The following ARID4A variants were observed in gnomAD, a reference collection of about 807,000 sequenced individuals.
ARID4A encodes the protein AT-rich interaction domain 4A.
Under a neutral mutation model 148.6 loss-of-function variants are expected in ARID4A, and 39 were observed. The observed-to-expected ratio is 0.26, with a 90% confidence interval of 0.20 to 0.34. The LOEUF is 0.34. ARID4A is among the 10% of genes least tolerant of loss of function. ARID4A has a pLI of 1.00. For synonymous variants in ARID4A, 475 were observed against 481.2 expected, an observed-to-expected ratio of 0.99 and a Z score of 0.17; for missense variants, 1,265 against 1,449.1, an observed-to-expected ratio of 0.87 and a Z score of 2.06.
chr14:58,323,687 C>A, intron 8 of ARID4A, 70 bp downstream of exon 8: 1 of 1,389,802 alleles, frequency 7.2e-7, no homozygotes, highest in Non-Finnish European at 9.9e-7. Context: ...TTTTTAAAAG[C>A]ATTTAAAATA....
chr14:58,357,614 G>GT (rs11424644), intron 17 of ARID4A, among the ~76,000 whole-genome samples: 71,342 of 134,172 alleles, frequency 0.53, 19,220 homozygotes, highest in Middle Eastern at 0.7. Context: ...TTTTTGCATG[G>GT]TTTTTTTTTT....
At chr14:58,355,210 C>T (rs1040319736) in intron 17 of ARID4A, among the ~76,000 whole-genome samples, 1 of 152,160 alleles carries the variant, frequency 6.6e-6, no homozygotes, top group East Asian at 1.9e-4. Context: ...TTTCTCTATA[C>T]ACTAGATGTG....
intron 18 of ARID4A, 77 bp from the exon 19 acceptor site, chr14:58,360,824 G>T (rs2035101510): frequency 6.9e-7 from 1 of 1,453,534 alleles, no homozygotes; most frequent in Non-Finnish European, 9.4e-7. Flanking sequence ...TTGAGATGTA[G>T]TTTTCTTTGG....
intron 11 of ARID4A, among the ~76,000 whole-genome samples, chr14:58,342,416 T>C (rs1566701687): frequency 1.3e-5 from 2 of 152,128 alleles, no homozygotes; most frequent in Non-Finnish European, 2.9e-5. Flanking sequence ...TTAAAAAAAA[T>C]ACACATAAAT....
chr14:58,337,246 T>TATATATATATATATATATATATATA lies in ARID4A; in HGVS notation c.906+7077_906+7078insATATATATATATATATATATATATA, dbSNP rs1555361738. ...AAATCTCCTAGAACCTTCTCTTTAT[T>TATATATATATATATATATATATATA]TATATATATATATATATATATAATT... is the stretch of plus-strand genomic sequence containing the variant. On this transcript the variant is annotated intron_variant, in intron 11 of 23. Coordinates refer to ENST00000355431, the MANE Select transcript of ARID4A (RefSeq NM_002892.4). Among the ~76,000 whole-genome samples, 455 of 83,676 alleles carry TATATATATATATATATATATATATA rather than the reference T, an allele frequency of 5.4e-3. 32 individuals carry two copies. Among genetic ancestry groups the TATATATATATATATATATATATATA allele is most frequent in the African/African-American group, 0.011 (256 of 24,046 alleles). The allele number at this position is 83,676 out of a possible 152,430, so 54.9% of individuals were successfully genotyped here. A position where few individuals can be genotyped will look rare whatever the true frequency, so the allele number is the denominator to read the frequency against.
intron 10 of ARID4A, 64 bp from the exon 11 acceptor site, chr14:58,329,939 G>A: frequency 1.3e-6 from 2 of 1,530,892 alleles, no homozygotes; most frequent in Non-Finnish European, 1.7e-6. Flanking sequence ...TGAATGCCAT[G>A]CCTTTTCTAT....
At chr14:58,357,593 T>G (rs2034937860) in intron 17 of ARID4A, among the ~76,000 whole-genome samples, 1 of 147,754 alleles carries the variant, frequency 6.8e-6, no homozygotes, top group African/African-American at 2.5e-5. Context: ...AAAACATGAG[T>G]TTTTTTTATT....
At chr14:58,327,519 T>TA (rs2033283503) in intron 8 of ARID4A, among the ~76,000 whole-genome samples, 1 of 152,182 alleles carries the variant, frequency 6.6e-6, no homozygotes, top group East Asian at 1.9e-4. Context: ...TTTTTTTTTT[T>TA]AATGACCAGA....
At position 58,345,719 on chromosome 14, in the gene ARID4A, C is replaced by CTT. The variant is rs869137059; in HGVS notation, c.980-664_980-663dup. Reference sequence around the variant, plus strand: ...TCTGTTGTGTTTGTTTATGCCTAAACTTTTTTTTTTTTTTTTTTTTTTTTT... The same window carrying CTT: ...TCTGTTGTGTTTGTTTATGCCTAAACTTTTTTTTTTTTTTTTTTTTTTTTTTT... On this transcript the variant is annotated intron_variant, in intron 12 of 23. Transcript: ENST00000355431. Among the ~76,000 whole-genome samples, 160 of 75,870 alleles carry CTT rather than the reference C, an allele frequency of 2.1e-3. 35 individuals are homozygous for CTT. The highest frequency in any genetic ancestry group is 6.8e-3 in the African/African-American group (115 of 16,958). The allele number at this position is 75,870 out of a possible 152,430, so 49.8% of individuals were successfully genotyped here. A position where few individuals can be genotyped will look rare whatever the true frequency, so the allele number is the denominator to read the frequency against.
At chr14:58,349,232 T>TA (rs1028493031) in intron 15 of ARID4A, among the ~76,000 whole-genome samples, 5 of 152,238 alleles carry the variant, frequency 3.3e-5, no homozygotes, top group Non-Finnish European at 7.3e-5. Context: ...ATTGTGGACA[T>TA]ACTTTCTTTT....
At position 58,347,859 on chromosome 14, in the gene ARID4A, T is replaced by A; in HGVS notation, c.1385T>A (p.Ile462Lys). 4 of 1,611,412 alleles carry A rather than the reference T, an allele frequency of 2.5e-6. No homozygotes were observed. Among genetic ancestry groups the A allele is most frequent in the Non-Finnish European group, 3.4e-6 (4 of 1,178,766 alleles). The stretch of plus-strand genomic sequence containing the variant: ...AACAGTGAAAGTGAAAGAGAAGAGA[T>A]AGAATTAAAATCTCCGAGGGTGAGT... Reference protein sequence around the residue: ...DSNSESEREEIELKSPRGRRR... With the variant: ...DSNSESEREEKELKSPRGRRR... Residue 462 changes from isoleucine to lysine, a missense_variant, in exon 15 of 24, where the codon ATA becomes AAA. By Grantham distance (102) the Ile-to-Lys change is moderately radical. Transcript: ENST00000355431.
At chr14:58,353,239 GA>G (rs1361872070) in intron 16 of ARID4A, among the ~76,000 whole-genome samples, 1 of 151,996 alleles carries the variant, frequency 6.6e-6, no homozygotes, top group Admixed American at 6.5e-5. Flanking sequence ...ACTTAAATAT[GA>G]ATTCTGAAGA....
intron 5 of ARID4A, among the ~76,000 whole-genome samples, chr14:58,309,661 A>G (rs1205558442): frequency 1.3e-5 from 2 of 152,102 alleles, no homozygotes. Flanking sequence ...ATACTTGAAA[A>G]GTAAGGAAAA....
At chr14:58,300,408 A>C (rs1174524558) in intron 2 of ARID4A, among the ~76,000 whole-genome samples, 4 of 152,228 alleles carry the variant, frequency 2.6e-5, no homozygotes, top group African/African-American at 9.7e-5. Flanking sequence ...ATGACTGCAA[A>C]TATCAGTATG....
At chr14:58,328,985 C>G (rs1461532415) in intron 9 of ARID4A, among the ~76,000 whole-genome samples, 1 of 87,614 alleles carries the variant, frequency 1.1e-5, no homozygotes, top group East Asian at 2.4e-4. Context: ...GAGTGAGACT[C>G]TGTCTCAAAA....
At chr14:58,361,185 T>A in intron 19 of ARID4A, 143 bp downstream of exon 19, 1 of 1,316,506 alleles carries the variant, frequency 7.6e-7, no homozygotes, top group Non-Finnish European at 1.0e-6. Context: ...ATATTCACAG[T>A]ACAGGTTGAG....
At chr14:58,317,944 G>C (rs2032578809) in intron 5 of ARID4A, among the ~76,000 whole-genome samples, 1 of 151,120 alleles carries the variant, frequency 6.6e-6, no homozygotes, top group Admixed American at 6.6e-5. Flanking sequence ...GACCAACCTG[G>C]GTAAAATAGC....
At chr14:58,314,195 T>A (rs1225091137) in intron 5 of ARID4A, among the ~76,000 whole-genome samples, 1 of 152,244 alleles carries the variant, frequency 6.6e-6, no homozygotes, top group African/African-American at 2.4e-5. Context: ...TTTTTTCCTC[T>A]TAGCATGCTA....
intron 11 of ARID4A, among the ~76,000 whole-genome samples, chr14:58,341,351 C>T (rs1025838123): frequency 1.3e-5 from 2 of 152,224 alleles, no homozygotes; most frequent in Non-Finnish European, 2.9e-5. Flanking sequence ...TCCCAGCCTG[C>T]CTTTGTCAGT....
Sources: gnomAD v4.1 joint callset for allele counts (sites outside exome capture counted in the v4.1 genomes callset) on GRCh38, gnomAD v4.1.1 for gene constraint, MANE v1.5 for transcripts, NCBI Gene and HGNC (gene_info 2026-07-23, HGNC 2026-07-21) for gene names.